The following STT3B variants were observed in gnomAD, a reference collection of about 807,000 sequenced individuals.
The protein encoded by STT3B is dolichyl-diphosphooligosaccharide--protein glycosyltransferase subunit STT3B.
Under a neutral mutation model 96.8 loss-of-function variants are expected in STT3B, and 29 were observed. The ratio of observed to expected loss-of-function variants is 0.30; its 90% CI spans 0.22 to 0.41. STT3B has a LOEUF of 0.41. Ranked by LOEUF, STT3B falls within the 10% of genes least tolerant of loss-of-function variation. The pLI is 1.00. For synonymous variants in STT3B, 367 were observed against 360.0 expected, an observed-to-expected ratio of 1.02 and a Z score of -0.22; for missense variants, 640 against 1,022.3, an observed-to-expected ratio of 0.63 and a Z score of 5.10.
chr3:31,536,544 T>C (rs1697103337), intron 1 of STT3B, among the ~76,000 whole-genome samples: 1 of 152,212 alleles, frequency 6.6e-6, no homozygotes, highest in Admixed American at 6.5e-5. Flanking sequence ...AGTTCTTAAA[T>C]TGTGTAAAAG....
intron 13 of STT3B, among the ~76,000 whole-genome samples, chr3:31,628,011 T>TAA (rs57778335): frequency 0.022 from 3,274 of 147,162 alleles, 264 homozygotes; most frequent in Admixed American, 0.17. Flanking sequence ...CTACCCCCCC[T>TAA]AAAAAAAAAA....
At chr3:31,559,609 G>T (rs7622800) in intron 1 of STT3B, among the ~76,000 whole-genome samples, 83,490 of 151,760 alleles carry the variant, frequency 0.55, 25,887 homozygotes, top group Non-Finnish European at 0.71. Context: ...CTTGTTTTGT[G>T]TTCTATTGTA....
chr3:31,576,434 G>A lies in STT3B; in HGVS notation c.353G>A (p.Gly118Glu). The change falls in exon 2 of 16, where the codon GGG becomes GAG. Residue 118 changes from glycine (G) to glutamate (E), a missense_variant. Physicochemically the swap from Gly to Glu is moderately conservative, Grantham distance 98. Around this residue, in one of 8 missense-constraint regions of STT3B, gnomAD observed 267 missense variants for 388.3 expected, o/e 0.69. Coordinates refer to ENST00000295770, the MANE Select transcript of STT3B (RefSeq NM_178862.3). ...TCAACACATCATCTTGCATCTCATG[G>A]GTTCTATGAATTTTTAAATTGGTTT... ...YRSTHHLASH[G>E]FYEFLNWFDE... 1 of 1,604,706 alleles carries A rather than the reference G, an allele frequency of 6.2e-7. No homozygotes were observed.
At chr3:31,622,036 T>C in intron 9 of STT3B, 61 bp from the exon 10 acceptor site, 6 of 1,310,702 alleles carry the variant, frequency 4.6e-6, no homozygotes, top group Non-Finnish European at 2.2e-6. Context: ...TTTAAGTATC[T>C]AGTTCAGTTT....
intron 7 of STT3B, 70 bp downstream of exon 7, chr3:31,617,145 C>A: frequency 3.4e-6 from 4 of 1,174,406 alleles, no homozygotes; most frequent in Non-Finnish European, 4.5e-6. Context: ...GCCAAAGTTT[C>A]TAAAATCTGA....
intron 1 of STT3B, among the ~76,000 whole-genome samples, chr3:31,537,128 GTTAGAGT>G (rs1697120754): frequency 6.6e-6 from 1 of 152,210 alleles, no homozygotes; most frequent in Admixed American, 6.5e-5. Context: ...AAAGTTGCAA[GTTAGAGT>G]TGGAACTTAG....
chr3:31,608,069 G>A (rs2125467737), intron 5 of STT3B, among the ~76,000 whole-genome samples: 1 of 152,224 alleles, frequency 6.6e-6, no homozygotes, highest in African/African-American at 2.4e-5. Flanking sequence ...GGCAGATAAA[G>A]TTTTATCAAG....
chr3:31,629,976 G>A (rs977595705), intron 14 of STT3B, among the ~76,000 whole-genome samples: 5 of 152,188 alleles, frequency 3.3e-5, no homozygotes, highest in Non-Finnish European at 7.3e-5. Context: ...TGGACTTGAT[G>A]TCATAACACC....
chr3:31,583,909 A>G (rs1698475419), intron 3 of STT3B, among the ~76,000 whole-genome samples: 1 of 152,080 alleles, frequency 6.6e-6, no homozygotes, highest in Non-Finnish European at 1.5e-5. Flanking sequence ...CTTTGCATGA[A>G]TTTTAAATTT....
chr3:31,559,456 A>G (rs1296940745), intron 1 of STT3B, among the ~76,000 whole-genome samples: 2 of 150,308 alleles, frequency 1.3e-5, no homozygotes, highest in Non-Finnish European at 3.0e-5. Flanking sequence ...TTTTTCCTTC[A>G]CCCAGTGGCC....
At chr3:31,536,203 T>A (rs1022982545) in intron 1 of STT3B, among the ~76,000 whole-genome samples, 1 of 149,678 alleles carries the variant, frequency 6.7e-6, no homozygotes, top group Non-Finnish European at 1.5e-5. Context: ...ATTATTACTT[T>A]GGGCTTTTAA....
At chr3:31,625,737 A>G (rs895239693) in intron 12 of STT3B, among the ~76,000 whole-genome samples, 2 of 152,200 alleles carry the variant, frequency 1.3e-5, no homozygotes, top group Admixed American at 1.3e-4. Context: ...AAAATATTAG[A>G]GCATGTATTC....
chr3:31,546,646 C>A (rs750388773), intron 1 of STT3B, among the ~76,000 whole-genome samples: 8 of 152,204 alleles, frequency 5.3e-5, no homozygotes, highest in Non-Finnish European at 1.0e-4. Flanking sequence ...GAAACACTTA[C>A]CACAATGTGT....
intron 9 of STT3B, chr3:31,620,210 G>C (rs1320176260): frequency 4.8e-6 from 1 of 210,468 alleles, no homozygotes; most frequent in Non-Finnish European, 9.6e-6. Context: ...GGGAGGCGGA[G>C]GTTGCAGTGA....
chr3:31,607,548 CTCCTCAGCCACATGGAACTGTGAGCA>C (rs1214858617), intron 5 of STT3B, among the ~76,000 whole-genome samples: 1 of 152,094 alleles, frequency 6.6e-6, no homozygotes, highest in Non-Finnish European at 1.5e-5. Flanking sequence ...ATTGTGAGGC[CTCCTCAGCCACATGGAACTGTGAGCA>C]TTAAACCTCT....
chr3:31,545,814 G>T (rs73824176), intron 1 of STT3B, among the ~76,000 whole-genome samples: 5,114 of 138,118 alleles, frequency 0.037, 304 homozygotes, highest in African/African-American at 0.12. Flanking sequence ...ATTAGGAGTG[G>T]TTTTTTTTTT....
At chr3:31,533,645 T>A in intron 1 of STT3B, 1 of 179,130 alleles carries the variant, frequency 5.6e-6, no homozygotes, top group Non-Finnish European at 1.2e-5. Flanking sequence ...CGCAGCCCGC[T>A]TTGGTCGCTG....
At chr3:31,603,752 C>T (rs1236996325) in intron 5 of STT3B, among the ~76,000 whole-genome samples, 1 of 151,258 alleles carries the variant, frequency 6.6e-6, no homozygotes, top group Non-Finnish European at 1.5e-5. Flanking sequence ...AAATATGGAA[C>T]TAACTTAAAT....
At chr3:31,564,793 T>A (rs1697962455) in intron 1 of STT3B, among the ~76,000 whole-genome samples, 1 of 152,106 alleles carries the variant, frequency 6.6e-6, no homozygotes, top group Non-Finnish European at 1.5e-5. Context: ...TAAAATGAGA[T>A]TTTTTAATTT....
Sources: allele counts gnomAD v4.1 joint callset (sites outside exome capture counted in the v4.1 genomes callset), GRCh38; gene constraint gnomAD v4.1.1; regional missense constraint gnomAD v4.1.1; transcripts MANE v1.5; gene names NCBI Gene and HGNC (gene_info 2026-07-23, HGNC 2026-07-21).